HMCN1: variants seen among roughly 807,000 people sequenced by gnomAD.
The protein encoded by HMCN1 is hemicentin-1.
A neutral mutation model predicts 625.9 loss-of-function variants in HMCN1; 321 were observed. That is an observed-to-expected ratio of 0.51 (90% CI 0.47 to 0.56). HMCN1 has a LOEUF of 0.56. Ranked by LOEUF, HMCN1 falls within the 20% of genes least tolerant of loss-of-function variation. HMCN1 has a pLI of 0.00. For synonymous variants in HMCN1, 2,425 were observed against 2,417.6 expected, an observed-to-expected ratio of 1.00 and a Z score of -0.09; for missense variants, 6,588 against 6,887.3, an observed-to-expected ratio of 0.96 and a Z score of 1.54.
rs765459643 is a variant in HMCN1 at position 185,933,545 on chromosome 1, A to T, written c.1553-4A>T. 1 of 1,613,872 alleles carries T rather than the reference A, an allele frequency of 6.2e-7. No individual in the cohort carries two copies. The highest frequency in any genetic ancestry group is 8.5e-7 in the Non-Finnish European group (1 of 1,179,848). ...CTTGATTTGAATTTTTTGATTTCAC[A>T]CAGAGCCCCCTCCGGTCATCCAAGT... On this transcript the variant is annotated splice_region_variant and splice_polypyrimidine_tract_variant and intron_variant, in intron 10 of 106. Coordinates refer to ENST00000271588, the MANE Select transcript of HMCN1 (RefSeq NM_031935.3).
In HMCN1 at chr1:186,144,242, C is replaced by T; in HGVS notation, c.13994C>T (p.Thr4665Ile). The T allele has an allele frequency of 6.2e-7, 1 of 1,613,560 alleles. No individual in the cohort carries two copies. Among genetic ancestry groups the T allele is most frequent in the South Asian group, 1.1e-5 (1 of 90,970 alleles). Residue 4665 changes from threonine (T) to isoleucine (I), a missense_variant, in exon 90 of 107, where the codon ACA (threonine) becomes ATA (isoleucine). Thr to Ile is a moderately conservative substitution (Grantham distance 89, BLOSUM62 -1). Transcript: ENST00000271588. The stretch of plus-strand genomic sequence containing the variant: ...GAAAGTTGTGGGAAAGGTACTCAGA[C>T]AAGAGCAAGACTTTGTAATAACCCA... ...CSESCGKGTQ[T>I]RARLCNNPPP... is the part of the protein sequence containing the mutation.
At chr1:185,862,393 G>A (rs1435840208) in intron 2 of HMCN1, among the ~76,000 whole-genome samples, 10 of 152,092 alleles carry the variant, frequency 6.6e-5, no homozygotes, top group Non-Finnish European at 1.2e-4. Context: ...ATTTATGGAA[G>A]TCGAATGAAT....
chr1:186,049,111 G>A (rs920659134), intron 42 of HMCN1, among the ~76,000 whole-genome samples: 3 of 151,992 alleles, frequency 2.0e-5, no homozygotes, highest in Non-Finnish European at 4.4e-5. Context: ...CCAGCATCTC[G>A]TAATGATTGG....
intron 1 of HMCN1, among the ~76,000 whole-genome samples, chr1:185,814,081 A>G (rs1051001483): frequency 1.3e-5 from 2 of 152,194 alleles, no homozygotes; most frequent in Non-Finnish European, 2.9e-5. Flanking sequence ...AATTCTAAAA[A>G]GTGAAACAAA....
chr1:185,818,911 CTT>C (rs200463566), intron 1 of HMCN1, among the ~76,000 whole-genome samples: 6 of 143,682 alleles, frequency 4.2e-5, no homozygotes, highest in Non-Finnish European at 3.1e-5. Flanking sequence ...GCAATTTTAC[CTT>C]TTTTTTTTTT....
Position 185,920,613 on chromosome 1 carries a change from T to C in HMCN1, c.901-1766T>C, listed in dbSNP as rs143472153. ...TATAAGGGGCTCCCTCTTCATCAAA[T>C]CTACTTTAACGTGTTATTTAGTAAT... On this transcript the variant is annotated intron_variant, in intron 6 of 106. Transcript: ENST00000271588. Among the ~76,000 whole-genome samples, 4 of 152,322 alleles carry C rather than the reference T, an allele frequency of 2.6e-5. No individual in the cohort carries two copies. In the East Asian group the frequency reaches 7.7e-4, roughly 29 times the overall value.
chr1:186,171,610 C>CTA (rs34112316), intron 101 of HMCN1, among the ~76,000 whole-genome samples, 160 bp downstream of exon 101: 57,639 of 151,776 alleles, frequency 0.38, 11,605 homozygotes, highest in African/African-American at 0.5. Context: ...ACAAAAAATG[C>CTA]TGTTTTATGA....
intron 11 of HMCN1, among the ~76,000 whole-genome samples, chr1:185,951,709 TC>T (rs1308961041): frequency 6.6e-6 from 1 of 151,710 alleles, no homozygotes; most frequent in Non-Finnish European, 1.5e-5. Flanking sequence ...TTAGGAGGAA[TC>T]CCGGGCTGAG....
At chr1:185,847,413 C>T (rs1042905314) in intron 2 of HMCN1, among the ~76,000 whole-genome samples, 5 of 152,162 alleles carry the variant, frequency 3.3e-5, no homozygotes, top group Admixed American at 2.0e-4. Flanking sequence ...AAATCTTATT[C>T]ACTCTCTTTT....
At chr1:185,818,701 G>A (rs1178920710) in intron 1 of HMCN1, among the ~76,000 whole-genome samples, 1 of 152,086 alleles carries the variant, frequency 6.6e-6, no homozygotes, top group African/African-American at 2.4e-5. Flanking sequence ...AAGAATTAAA[G>A]TGATATGTGC....
intron 93 of HMCN1, among the ~76,000 whole-genome samples, chr1:186,148,625 C>G: frequency 6.6e-6 from 1 of 152,160 alleles, no homozygotes; most frequent in East Asian, 1.9e-4. Context: ...TCTCCTGTCT[C>G]AGCCTCCAAG....
rs187858108 is a variant in HMCN1, at chr1:185,819,053, A to G, written c.269-26973A>G. 9.8e-3 allele frequency among the ~76,000 whole-genome samples: 1,483 copies of G among 152,064 alleles called. 24 individuals carry two copies. Among genetic ancestry groups the G allele is most frequent in the African/African-American group, 0.032 (1,346 of 41,504 alleles). ...GGAGTTCGAGACCAGCCTGGCCAAC[A>G]TGGTGAAACCCCATCTCTACTAAAA... On this transcript the variant is annotated intron_variant, in intron 1 of 106. Transcript: ENST00000271588.
chr1:185,835,006 T>C (rs2102297076), intron 1 of HMCN1, among the ~76,000 whole-genome samples: 2 of 152,310 alleles, frequency 1.3e-5, no homozygotes, highest in East Asian at 1.9e-4. Context: ...ACAGATAACA[T>C]AACTTGACGA....
intron 2 of HMCN1, among the ~76,000 whole-genome samples, chr1:185,860,564 C>T (rs965705598): frequency 2.0e-5 from 3 of 152,092 alleles, no homozygotes; most frequent in East Asian, 1.9e-4. Flanking sequence ...CCCACCTCAG[C>T]CCCCCAAGTA....
intron 35 of HMCN1, among the ~76,000 whole-genome samples, chr1:186,022,024 C>T (rs1355393927): frequency 6.6e-6 from 1 of 151,910 alleles, no homozygotes; most frequent in African/African-American, 2.4e-5. Context: ...TGCCATTAAA[C>T]AAGACTGGGA....
intron 11 of HMCN1, among the ~76,000 whole-genome samples, chr1:185,940,148 A>G (rs1332895909): frequency 6.6e-6 from 1 of 152,170 alleles, no homozygotes; most frequent in African/African-American, 2.4e-5. Flanking sequence ...TTTAGTACAA[A>G]TAACTGAGGT....
At chr1:185,845,848 C>G (rs989272220) in intron 1 of HMCN1, among the ~76,000 whole-genome samples, 178 bp from the exon 2 acceptor site, 2 of 152,198 alleles carry the variant, frequency 1.3e-5, no homozygotes, top group African/African-American at 4.8e-5. Flanking sequence ...GCATACTTTA[C>G]AGTAAATTAT....
chr1:185,833,719 T>A (rs1466516568), intron 1 of HMCN1, among the ~76,000 whole-genome samples: 2 of 152,118 alleles, frequency 1.3e-5, no homozygotes, highest in African/African-American at 4.8e-5. Flanking sequence ...CTCTCATACT[T>A]TTTAGGATTA....
chr1:186,028,919 G>T (rs1428834833), intron 36 of HMCN1, among the ~76,000 whole-genome samples: 1 of 151,496 alleles, frequency 6.6e-6, no homozygotes, highest in South Asian at 2.1e-4. Flanking sequence ...TAGAGACGGG[G>T]TTTCACTATG....
Sources: gnomAD v4.1 joint callset for allele counts (sites outside exome capture counted in the v4.1 genomes callset) on GRCh38, gnomAD v4.1.1 for gene constraint, MANE v1.5 for transcripts, NCBI Gene and HGNC (gene_info 2026-07-23, HGNC 2026-07-21) for gene names.